PARN: variants seen among roughly 807,000 people sequenced by gnomAD.
The protein encoded by PARN is poly(A)-specific ribonuclease.
In PARN, 71 loss-of-function variants were observed where a neutral mutation model predicts 102.8. The observed-to-expected ratio is 0.69, with a 90% CI of 0.57 to 0.84. PARN has a LOEUF of 0.84. PARN is among the 40% of genes least tolerant of loss of function. The probability of loss-of-function intolerance (pLI) is 0.00; values close to 1 mark genes in which losing one functional copy is unlikely to be tolerated. For missense variants in PARN, 782 were observed against 760.9 expected (o/e 1.03, Z -0.33); for synonymous variants, 261 against 252.9 (o/e 1.03, Z -0.30).
chr16:14,591,297 C>T (rs548495019), intron 13 of PARN, among the ~76,000 whole-genome samples: 36 of 151,186 alleles, frequency 2.4e-4, no homozygotes, highest in Admixed American at 1.1e-3. Flanking sequence ...AGGCTGAGGC[C>T]GGGGAAACAC....
chr16:14,446,766 G>A, intron 23 of PARN, 122 bp downstream of exon 23: 1 of 629,492 alleles, frequency 1.6e-6, no homozygotes, highest in Non-Finnish European at 2.7e-6. Flanking sequence ...CTGCTTTGGT[G>A]GAAGACTACA....
At chr16:14,609,527 C>G (rs1427629292) in intron 7 of PARN, among the ~76,000 whole-genome samples, 1 of 152,076 alleles carries the variant, frequency 6.6e-6, no homozygotes, top group African/African-American at 2.4e-5. Context: ...GCTGTGATCG[C>G]ATCACTGCAC....
At chr16:14,526,251 A>T (rs1965995804) in intron 21 of PARN, among the ~76,000 whole-genome samples, 1 of 147,896 alleles carries the variant, frequency 6.8e-6, no homozygotes, top group Non-Finnish European at 1.5e-5. Flanking sequence ...ATCTCGGCTC[A>T]CTGCAAGCTC....
intron 11 of PARN, among the ~76,000 whole-genome samples, chr16:14,603,497 C>T (rs1460068926): frequency 6.6e-6 from 1 of 152,104 alleles, no homozygotes; most frequent in Non-Finnish European, 1.5e-5. Flanking sequence ...GTGCAGTCTA[C>T]CCCGTTGTGC....
rs570763120 is a variant in PARN at position 14,503,786 on chromosome 16, G to A, written c.1481-20959C>T. 2.6e-5 allele frequency among the ~76,000 whole-genome samples: 4 copies of A among 152,332 alleles called. No individual in the cohort carries two copies. The East Asian group carries it at 7.7e-4, about 29-fold the overall frequency. ...GGCTCTGTTACCCTCACTTTATACA[G>A]AAAACTGAAGACCCTGTTGAATGGC... On this transcript the variant is annotated intron_variant, in intron 21 of 23. Coordinates refer to ENST00000437198, the MANE Select transcript of PARN (RefSeq NM_002582.4).
Position 14,464,524 on chromosome 16 carries a change from A to G in PARN, c.1671-17443T>C, listed in dbSNP as rs992696378. ...TAATCCCAGCATTTTGGGAGGCTGA[A>G]GCAGGCAGATCACCTGAGGTAAGGA... is the stretch of plus-strand genomic sequence containing the variant. On this transcript the variant is annotated intron_variant, in intron 22 of 23. Transcript: ENST00000437198. Among the ~76,000 whole-genome samples the G allele has an allele frequency of 4.6e-5, 7 of 152,176 alleles. No individual in the cohort carries two copies. The East Asian group carries it at 9.7e-4, about 21-fold the overall frequency.
chr16:14,527,994 C>A (rs898830173), intron 21 of PARN, among the ~76,000 whole-genome samples: 1 of 152,120 alleles, frequency 6.6e-6, no homozygotes, highest in Non-Finnish European at 1.5e-5. Context: ...TGGGGATGAC[C>A]ACAAAAGCAC....
chr16:14,483,046 A>G (rs1293328735), intron 21 of PARN, among the ~76,000 whole-genome samples: 1 of 152,164 alleles, frequency 6.6e-6, no homozygotes, highest in African/African-American at 2.4e-5. Context: ...TTGCTCCCCA[A>G]TCTCATTTTC....
chr16:14,520,655 C>T (rs1376924971), intron 21 of PARN, among the ~76,000 whole-genome samples: 1 of 151,206 alleles, frequency 6.6e-6, no homozygotes, highest in Non-Finnish European at 1.5e-5. Flanking sequence ...GTGGAGATCG[C>T]ACCACTGCAC....
intron 10 of PARN, among the ~76,000 whole-genome samples, chr16:14,604,460 C>A (rs1235543831): frequency 6.6e-6 from 1 of 151,828 alleles, no homozygotes; most frequent in South Asian, 2.1e-4. Flanking sequence ...GGAGTTTCTC[C>A]ATGTTGGTCA....
chr16:14,461,896 T>A (rs569508195), intron 22 of PARN, among the ~76,000 whole-genome samples: 1 of 152,218 alleles, frequency 6.6e-6, no homozygotes, highest in Non-Finnish European at 1.5e-5. Flanking sequence ...GAATAATGAA[T>A]GTGCAGACAC....
intron 21 of PARN, among the ~76,000 whole-genome samples, chr16:14,533,359 C>A (rs936658424): frequency 6.6e-6 from 1 of 150,390 alleles, no homozygotes; most frequent in Non-Finnish European, 1.5e-5. Context: ...GGCAGCAGTA[C>A]AGTCCAGCTT....
intron 21 of PARN, among the ~76,000 whole-genome samples, chr16:14,548,503 A>C (rs1171847388): frequency 6.6e-6 from 1 of 152,248 alleles, no homozygotes; most frequent in Non-Finnish European, 1.5e-5. Flanking sequence ...CTAATGTCAG[A>C]CACTACCACT....
chr16:14,586,238 A>G, intron 14 of PARN, 80 bp downstream of exon 14: 3 of 791,826 alleles, frequency 3.8e-6, no homozygotes, highest in Non-Finnish European at 6.6e-6. Context: ...CAGTCTCCCA[A>G]AGTGGTGGGA....
At chr16:14,490,054 G>A (rs1010528415) in intron 21 of PARN, among the ~76,000 whole-genome samples, 1 of 152,178 alleles carries the variant, frequency 6.6e-6, no homozygotes. Flanking sequence ...GATACTTGGA[G>A]GGGTGAGGCT....
chr16:14,517,192 G>A (rs1300804745), intron 21 of PARN, among the ~76,000 whole-genome samples: 2 of 152,206 alleles, frequency 1.3e-5, no homozygotes, highest in African/African-American at 2.4e-5. Flanking sequence ...ATCAAGAGGT[G>A]CGGTGTATTT....
chr16:14,470,937 T>G lies in PARN; in HGVS notation c.1670+11701A>C, dbSNP rs116258671. 4.3e-3 allele frequency among the ~76,000 whole-genome samples: 649 copies of G among 152,178 alleles called. 5 individuals carry two copies. The highest frequency in any genetic ancestry group is 0.015 in the African/African-American group (620 of 41,514). Reference sequence around the variant, plus strand: ...GTTTACAGGCATGAGCCACCATGCCTAATTTTTTGATTTTTGTTGTTGTTG... The same window carrying G: ...GTTTACAGGCATGAGCCACCATGCCGAATTTTTTGATTTTTGTTGTTGTTG... On this transcript the variant is annotated intron_variant, in intron 22 of 23. Transcript: ENST00000437198.
intron 22 of PARN, among the ~76,000 whole-genome samples, chr16:14,451,299 T>C (rs1162873415): frequency 6.6e-6 from 1 of 152,254 alleles, no homozygotes. Flanking sequence ...TGTTCTTTCC[T>C]TTCCATGCTT....
chr16:14,491,111 T>C (rs1964035624), intron 21 of PARN, among the ~76,000 whole-genome samples: 1 of 151,864 alleles, frequency 6.6e-6, no homozygotes, highest in African/African-American at 2.4e-5. Context: ...ATTTCCAACA[T>C]GCCCAAAGAA....
Sources: gnomAD v4.1 joint callset for allele counts (sites outside exome capture counted in the v4.1 genomes callset) on GRCh38, gnomAD v4.1.1 for gene constraint, MANE v1.5 for transcripts, NCBI Gene and HGNC (gene_info 2026-07-23, HGNC 2026-07-21) for gene names.